Variants in KCNT2 observed in about 807,000 individuals in gnomAD.
The protein encoded by KCNT2 is potassium sodium-activated channel subfamily T member 2.
A neutral mutation model predicts 153.8 loss-of-function variants in KCNT2; 67 were observed. The observed-to-expected ratio is 0.44, with a 90% CI of 0.36 to 0.53. KCNT2 has a LOEUF of 0.53. KCNT2 is among the 20% of genes least tolerant of loss of function. KCNT2 has a pLI of 0.00. For synonymous variants in KCNT2, 500 were observed against 458.8 expected (o/e 1.09, Z -1.15); for missense variants, 975 against 1,354.8 (o/e 0.72, Z 4.40).
intron 1 of KCNT2, among the ~76,000 whole-genome samples, chr1:196,493,470 A>G (rs1198849928): frequency 6.6e-6 from 1 of 152,144 alleles, no homozygotes; most frequent in Non-Finnish European, 1.5e-5. Context: ...TTATCTCATA[A>G]ACCCTCTACT....
intron 21 of KCNT2, among the ~76,000 whole-genome samples, chr1:196,310,226 A>G (rs1662031199): frequency 6.6e-6 from 1 of 151,902 alleles, no homozygotes; most frequent in South Asian, 2.1e-4. Context: ...TGGTAGCTGG[A>G]AATAATGTTT....
chr1:196,414,548 C>T (rs1034235763), intron 12 of KCNT2, among the ~76,000 whole-genome samples: 11 of 151,714 alleles, frequency 7.3e-5, no homozygotes, highest in Admixed American at 4.0e-4. Flanking sequence ...CTTTTTCAAA[C>T]GAAGTAAAAG....
chr1:196,342,420 CTATATATA>C (rs71154738), intron 14 of KCNT2, among the ~76,000 whole-genome samples, 192 bp from the exon 15 acceptor site: 6,996 of 132,710 alleles, frequency 0.053, 265 homozygotes, highest in Non-Finnish European at 0.073. Flanking sequence ...ATTTTGAATA[CTATATATA>C]TATATATATA....
rs770393567 is a variant in KCNT2 at position 196,334,077 on chromosome 1, T to C, written c.1784-17A>G. On this transcript the variant is annotated splice_polypyrimidine_tract_variant and intron_variant, in intron 16 of 27. Transcript: ENST00000294725. ...CCACAGTACCTAAAACAATAAAACA[T>C]GAAAATTTATCAAGGCGTTTGCCAT... 2 of 1,583,142 alleles carry C rather than the reference T, an allele frequency of 1.3e-6. No homozygotes were observed. Among genetic ancestry groups the C allele is most frequent in the Admixed American group, 1.7e-5 (1 of 59,566 alleles).
intron 16 of KCNT2, among the ~76,000 whole-genome samples, chr1:196,336,130 A>T (rs941579711): frequency 1.3e-5 from 2 of 152,038 alleles, no homozygotes; most frequent in African/African-American, 4.8e-5. Flanking sequence ...TAGTCTCTCC[A>T]CATTGTCTGT....
At chr1:196,234,648 T>C (rs1178280926) in intron 27 of KCNT2, among the ~76,000 whole-genome samples, 1 of 151,428 alleles carries the variant, frequency 6.6e-6, no homozygotes, top group African/African-American at 2.4e-5. Flanking sequence ...CCAGTCGAAA[T>C]CTTCCACAAA....
At chr1:196,301,235 T>C (rs1292621857) in intron 22 of KCNT2, among the ~76,000 whole-genome samples, 1 of 152,154 alleles carries the variant, frequency 6.6e-6, no homozygotes, top group Non-Finnish European at 1.5e-5. Context: ...ATTTACTATG[T>C]GTCCCCCCAA....
At chr1:196,346,684 G>A (rs1666169786) in intron 14 of KCNT2, among the ~76,000 whole-genome samples, 1 of 151,944 alleles carries the variant, frequency 6.6e-6, no homozygotes, top group Admixed American at 6.6e-5. Flanking sequence ...TGTTGTGTTG[G>A]TATGATTGTT....
intron 22 of KCNT2, among the ~76,000 whole-genome samples, chr1:196,292,782 A>T (rs1436269253): frequency 7.1e-6 from 1 of 140,724 alleles, no homozygotes; most frequent in Non-Finnish European, 1.5e-5. Flanking sequence ...ACTGCACTCC[A>T]GCCTGGGCGA....
At chr1:196,596,964 T>G (rs1357361221) in intron 1 of KCNT2, among the ~76,000 whole-genome samples, 1 of 152,094 alleles carries the variant, frequency 6.6e-6, no homozygotes, top group Non-Finnish European at 1.5e-5. Flanking sequence ...CTTCCCAGAG[T>G]GCTGGGATTA....
chr1:196,577,573 T>G (rs1661515851), intron 1 of KCNT2, among the ~76,000 whole-genome samples: 1 of 152,126 alleles, frequency 6.6e-6, no homozygotes, highest in African/African-American at 2.4e-5. Context: ...CATATGTATG[T>G]TAGGAAACTA....
At chr1:196,530,469 A>C (rs1444620438) in intron 1 of KCNT2, among the ~76,000 whole-genome samples, 1 of 152,006 alleles carries the variant, frequency 6.6e-6, no homozygotes, top group Admixed American at 6.6e-5. Flanking sequence ...GGCTATTCAT[A>C]AAGTACTATT....
intron 1 of KCNT2, among the ~76,000 whole-genome samples, chr1:196,530,776 C>A (rs1654833059): frequency 6.6e-6 from 1 of 152,050 alleles, no homozygotes; most frequent in African/African-American, 2.4e-5. Flanking sequence ...CAAGATTTAA[C>A]CATGATTTTA....
chr1:196,473,234 C>G (rs543024290), intron 5 of KCNT2, among the ~76,000 whole-genome samples: 1 of 152,206 alleles, frequency 6.6e-6, no homozygotes, highest in African/African-American at 2.4e-5. Flanking sequence ...TTTCCTTGCC[C>G]CTTCATCATA....
intron 8 of KCNT2, among the ~76,000 whole-genome samples, chr1:196,454,721 G>C (rs780953762): frequency 6.6e-5 from 10 of 151,758 alleles, no homozygotes; most frequent in Non-Finnish European, 1.5e-4. Context: ...GTTGATTGCT[G>C]CAGGAAAAAA....
chr1:196,590,926 G>A (rs1483026327), intron 1 of KCNT2, among the ~76,000 whole-genome samples: 3 of 152,086 alleles, frequency 2.0e-5, no homozygotes, highest in Non-Finnish European at 4.4e-5. Flanking sequence ...AGGAGTTCAA[G>A]ACCTGCCTGG....
intron 1 of KCNT2, among the ~76,000 whole-genome samples, chr1:196,517,758 T>G (rs1375052996): frequency 6.6e-6 from 1 of 151,928 alleles, no homozygotes; most frequent in Non-Finnish European, 1.5e-5. Context: ...CTCCAAGAAA[T>G]ATGGGATTAT....
At position 196,340,588 on chromosome 1, in the gene KCNT2, G is replaced by C. The variant is rs771203592; in HGVS notation, c.1554-18C>G. ...CGCCAAACCTTAATTTAAAAAAAAAGAGAGTTTGTAAGAAAATTAGTAAAT... is the reference window on the plus strand; with the variant it reads ...CGCCAAACCTTAATTTAAAAAAAAACAGAGTTTGTAAGAAAATTAGTAAAT... On this transcript the variant is annotated intron_variant, in intron 15 of 27. Transcript: ENST00000294725. 19 of 1,425,868 alleles carry C rather than the reference G, an allele frequency of 1.3e-5. No individual in the cohort carries two copies. The African/African-American group carries it at 2.4e-4, about 18-fold the overall frequency. 88.3% of individuals were successfully genotyped at this position (1,425,868 alleles called of 1,614,324 possible).
chr1:196,387,000 CTTATAG>C (rs1048229764), intron 13 of KCNT2, among the ~76,000 whole-genome samples: 2 of 151,978 alleles, frequency 1.3e-5, no homozygotes, highest in Non-Finnish European at 1.5e-5. Flanking sequence ...ATAAACATAA[CTTATAG>C]TTATAATTAG....
Sources: gnomAD v4.1 joint callset for allele counts (sites outside exome capture counted in the v4.1 genomes callset) on GRCh38, gnomAD v4.1.1 for gene constraint, MANE v1.5 for transcripts, NCBI Gene and HGNC (gene_info 2026-07-23, HGNC 2026-07-21) for gene names.